Variants in C12orf54 observed in about 807,000 individuals in gnomAD.
C12orf54 encodes chromosome 12 open reading frame 54.
Under a neutral mutation model 26.4 loss-of-function variants are expected in C12orf54, and 24 were observed. That is an observed-to-expected ratio of 0.91 (90% CI 0.66 to 1.28). C12orf54 has a LOEUF of 1.28. Among genes scored for constraint, C12orf54 ranks in the 50% most tolerant of loss-of-function variants. C12orf54 has a pLI of 0.00. For synonymous variants in C12orf54, 54 were observed against 47.0 expected (o/e 1.15, Z -0.61); for missense variants, 154 against 150.9 (o/e 1.02, Z -0.11).
chr12:48,460,979 A>G, the C12orf54 span, among the ~76,000 whole-genome samples: 3 of 152,024 alleles, frequency 2.0e-5, no homozygotes, highest in East Asian at 5.8e-4. Flanking sequence ...ACCAGATTTG[A>G]TTTTTTAAAA....
the C12orf54 span, among the ~76,000 whole-genome samples, chr12:48,461,028 C>G: frequency 2.0e-5 from 3 of 151,822 alleles, no homozygotes; most frequent in Non-Finnish European, 4.4e-5. Context: ...ATAAGAAACC[C>G]ACTTTAAATA....
At chr12:48,458,274 T>C in the C12orf54 span, among the ~76,000 whole-genome samples, 1 of 152,182 alleles carries the variant, frequency 6.6e-6, no homozygotes, top group Non-Finnish European at 1.5e-5. Flanking sequence ...ATATTCTGGA[T>C]TTAGAGAATA....
At chr12:48,489,326 G>A (rs1323483685) in intron 5 of C12orf54, 1 of 372,040 alleles carries the variant, frequency 2.7e-6, no homozygotes, top group African/African-American at 2.1e-5. Flanking sequence ...AGGGAAGTAT[G>A]AATTAGAGAC....
intron 1 of C12orf54, 73 bp from the exon 2 acceptor site, chr12:48,483,167 T>A (rs1208591614): frequency 1.5e-6 from 1 of 678,808 alleles, no homozygotes; most frequent in South Asian, 1.9e-5. Flanking sequence ...CTGCTGGTAG[T>A]TCTCCACTGA....
At chr12:48,421,292 A>T in the C12orf54 span, among the ~76,000 whole-genome samples, 1 of 152,092 alleles carries the variant, frequency 6.6e-6, no homozygotes, top group Non-Finnish European at 1.5e-5. Flanking sequence ...AGTGTCTTAC[A>T]TGGAAGGAGC....
chr12:48,423,623 G>T, the C12orf54 span, among the ~76,000 whole-genome samples: 5 of 151,988 alleles, frequency 3.3e-5, no homozygotes, highest in South Asian at 8.3e-4. Flanking sequence ...TAGCACTCTG[G>T]CTTCCTCTAT....
At chr12:48,478,444 G>C (rs1477200844), upstream of C12orf54, among the ~76,000 whole-genome samples, 3 of 152,206 alleles carry the variant, frequency 2.0e-5, no homozygotes, top group Non-Finnish European at 4.4e-5. Flanking sequence ...ATTAGGAAAA[G>C]ACGAAGTCAA....
chr12:48,427,032 T>C, the C12orf54 span, among the ~76,000 whole-genome samples: 1 of 152,076 alleles, frequency 6.6e-6, no homozygotes, highest in Admixed American at 6.6e-5. Context: ...CAAACAGCGA[T>C]AGTTTGACTG....
chr12:48,462,676 A>G, the C12orf54 span, among the ~76,000 whole-genome samples: 5 of 151,784 alleles, frequency 3.3e-5, no homozygotes, highest in Admixed American at 2.6e-4. Flanking sequence ...TCTAAAATCT[A>G]TAATATTCCC....
chr12:48,483,386 A>G, intron 2 of C12orf54, 25 bp downstream of exon 2: 1 of 1,606,020 alleles, frequency 6.2e-7, no homozygotes, highest in African/African-American at 1.3e-5. Context: ...GATGACCCTC[A>G]AACATCCTTA....
chr12:48,413,582 G>C, the C12orf54 span, among the ~76,000 whole-genome samples: 2 of 152,148 alleles, frequency 1.3e-5, no homozygotes, highest in African/African-American at 4.8e-5. Flanking sequence ...GGAAGAAACT[G>C]GTATCAAAGA....
chr12:48,492,190 G>C (rs554571617), intron 6 of C12orf54, among the ~76,000 whole-genome samples: 37 of 152,098 alleles, frequency 2.4e-4, no homozygotes, highest in Middle Eastern at 3.2e-3. Context: ...GCAGCAAAAC[G>C]GAGTTCGTTA....
chr12:48,496,009 C>G (rs1271775847), intron 8 of C12orf54, among the ~76,000 whole-genome samples, 172 bp from the exon 9 acceptor site: 1 of 152,198 alleles, frequency 6.6e-6, no homozygotes, highest in African/African-American at 2.4e-5. Context: ...TTGTCTACAA[C>G]TAATGGATCT....
chr12:48,459,974 A>G, the C12orf54 span, among the ~76,000 whole-genome samples: 191 of 146,746 alleles, frequency 1.3e-3, no homozygotes, highest in African/African-American at 4.2e-3. Context: ...CCTCCAGATT[A>G]AAAAGAGGCA....
chr12:48,455,190 A>G, the C12orf54 span, among the ~76,000 whole-genome samples: 1 of 152,190 alleles, frequency 6.6e-6, no homozygotes, highest in Non-Finnish European at 1.5e-5. Context: ...AAATAAGAAC[A>G]TGCACGATTT....
chr12:48,473,343 G>A, the C12orf54 span: 1 of 1,162,676 alleles, frequency 8.6e-7, no homozygotes, highest in Non-Finnish European at 1.3e-6. Context: ...AGATGAAGAA[G>A]AGCTTGGTGA....
intron 5 of C12orf54, among the ~76,000 whole-genome samples, chr12:48,489,607 G>A (rs1937739998): frequency 6.6e-6 from 1 of 152,118 alleles, no homozygotes; most frequent in South Asian, 2.1e-4. Flanking sequence ...TGTAGAGACA[G>A]GGTTTCGCCA....
chr12:48,429,334 A>G, the C12orf54 span, among the ~76,000 whole-genome samples: 26 of 152,126 alleles, frequency 1.7e-4, 1 homozygote, highest in Non-Finnish European at 3.4e-4. Flanking sequence ...CAGACAAGAG[A>G]AAGAAATAAA....
the C12orf54 span, among the ~76,000 whole-genome samples, chr12:48,462,726 T>G: frequency 8.6e-5 from 13 of 151,724 alleles, no homozygotes; most frequent in African/African-American, 3.1e-4. Context: ...TAGGGAAACT[T>G]GTTCAACTTG....
Sources: allele counts gnomAD v4.1 joint callset (sites outside exome capture counted in the v4.1 genomes callset), GRCh38; gene constraint gnomAD v4.1.1; transcripts MANE v1.5; gene names NCBI Gene and HGNC (gene_info 2026-07-23, HGNC 2026-07-21).